Variants in MACROD2 observed in about 807,000 individuals in gnomAD.
The protein encoded by MACROD2 is mono-ADP ribosylhydrolase 2.
In MACROD2, 36 loss-of-function variants were observed where a neutral mutation model predicts 70.4. The ratio of observed to expected loss-of-function variants is 0.51; its 90% CI spans 0.39 to 0.68. MACROD2 has a LOEUF of 0.68. Among genes scored for constraint, MACROD2 ranks in the 30% least tolerant of loss-of-function variants. MACROD2 has a pLI of 0.00. For synonymous variants in MACROD2, 172 were observed against 178.8 expected (o/e 0.96, Z 0.30); for missense variants, 496 against 538.4 (o/e 0.92, Z 0.78).
intron 3 of MACROD2, among the ~76,000 whole-genome samples, chr20:14,188,665 C>T (rs1157728490): frequency 6.6e-6 from 1 of 152,034 alleles, no homozygotes; most frequent in Non-Finnish European, 1.5e-5. Context: ...CATTAAGATA[C>T]CGCTGCAAGA....
chr20:15,585,133 G>T (rs981700962), intron 8 of MACROD2, among the ~76,000 whole-genome samples: 1 of 151,956 alleles, frequency 6.6e-6, no homozygotes, highest in African/African-American at 2.4e-5. Context: ...TGATCTCTCC[G>T]TGTGCTCCAT....
At chr20:15,875,682 G>A (rs2064658206) in intron 9 of MACROD2, among the ~76,000 whole-genome samples, 1 of 151,924 alleles carries the variant, frequency 6.6e-6, no homozygotes, top group Non-Finnish European at 1.5e-5. Context: ...TGCAGTGAGT[G>A]TAGCAAATGC....
intron 8 of MACROD2, among the ~76,000 whole-genome samples, chr20:15,721,804 A>T (rs2050790993): frequency 6.6e-6 from 1 of 152,206 alleles, no homozygotes; most frequent in Admixed American, 6.5e-5. Flanking sequence ...AATAATTATC[A>T]AATAAATATT....
chr20:15,441,479 A>T (rs6110606), intron 7 of MACROD2, among the ~76,000 whole-genome samples: 1 of 151,932 alleles, frequency 6.6e-6, no homozygotes, highest in Non-Finnish European at 1.5e-5. Context: ...GTGAGAAACC[A>T]GTGTCAGTCT....
At chr20:15,109,779 C>G (rs1449010359) in intron 5 of MACROD2, among the ~76,000 whole-genome samples, 1 of 152,108 alleles carries the variant, frequency 6.6e-6, no homozygotes, top group East Asian at 1.9e-4. Context: ...GGGGAAAAAT[C>G]GGCATACTCA....
intron 5 of MACROD2, among the ~76,000 whole-genome samples, chr20:14,936,941 G>T (rs1327908864): frequency 6.6e-6 from 1 of 152,156 alleles, no homozygotes; most frequent in Non-Finnish European, 1.5e-5. Context: ...TAAGTTAGGA[G>T]CAGGAGAAAA....
chr20:14,689,984 T>C (rs2071043922), intron 5 of MACROD2, among the ~76,000 whole-genome samples: 1 of 150,892 alleles, frequency 6.6e-6, no homozygotes, highest in African/African-American at 2.4e-5. Context: ...TCAGTGTCAA[T>C]TATCCATTGT....
chr20:15,596,044 A>G (rs2048742440), intron 8 of MACROD2, among the ~76,000 whole-genome samples: 1 of 152,254 alleles, frequency 6.6e-6, no homozygotes, highest in Non-Finnish European at 1.5e-5. Flanking sequence ...AGTGAAACTC[A>G]GATGTCATAC....
chr20:15,339,847 A>C (rs1256597834), intron 6 of MACROD2, among the ~76,000 whole-genome samples: 1 of 151,668 alleles, frequency 6.6e-6, no homozygotes, highest in Non-Finnish European at 1.5e-5. Flanking sequence ...TTATGATTCA[A>C]AACCAAAAAA....
intron 2 of MACROD2, among the ~76,000 whole-genome samples, chr20:14,017,005 TTTTC>T (rs1296782682): frequency 1.3e-5 from 2 of 152,150 alleles, no homozygotes; most frequent in African/African-American, 4.8e-5. Flanking sequence ...CTTACTTATG[TTTTC>T]TTTAACTTCT....
chr20:15,520,741 A>G (rs2047641815), intron 8 of MACROD2, among the ~76,000 whole-genome samples: 1 of 151,928 alleles, frequency 6.6e-6, no homozygotes, highest in Non-Finnish European at 1.5e-5. Flanking sequence ...TACTGAAGAG[A>G]CTACACACAT....
chr20:15,935,954 A>G (rs1568652649), intron 11 of MACROD2, among the ~76,000 whole-genome samples: 3 of 152,166 alleles, frequency 2.0e-5, no homozygotes. Context: ...TGAGATCTAA[A>G]TGATGAGATA....
chr20:15,526,915 A>G (rs55684668), intron 8 of MACROD2, among the ~76,000 whole-genome samples: 6,282 of 152,278 alleles, frequency 0.041, 158 homozygotes, highest in South Asian at 0.13. Context: ...CCTAGGCACA[A>G]TTCATTTATG....
chr20:14,435,667 T>G (rs1250604649), intron 3 of MACROD2, among the ~76,000 whole-genome samples: 4 of 152,138 alleles, frequency 2.6e-5, no homozygotes, highest in Non-Finnish European at 5.9e-5. Context: ...ATTATTCTTA[T>G]ATTACTTAAA....
intron 8 of MACROD2, among the ~76,000 whole-genome samples, chr20:15,780,784 T>C (rs549366452): frequency 6.6e-6 from 1 of 152,090 alleles, no homozygotes; most frequent in South Asian, 2.1e-4. Flanking sequence ...TCAAGATGCA[T>C]TTTTGAGGGA....
At chr20:16,021,328 T>C (rs1392849545) in intron 15 of MACROD2, among the ~76,000 whole-genome samples, 1 of 152,182 alleles carries the variant, frequency 6.6e-6, no homozygotes, top group Non-Finnish European at 1.5e-5. Context: ...TAACTGATTT[T>C]TGTGTTGGAT....
intron 15 of MACROD2, among the ~76,000 whole-genome samples, chr20:16,023,494 A>G (rs1001227110): frequency 6.7e-6 from 1 of 149,054 alleles, no homozygotes; most frequent in Non-Finnish European, 1.5e-5. Context: ...AAAAAAAAAA[A>G]GAGATGGTGC....
chr20:15,463,090 G>A (rs2046840109), intron 7 of MACROD2, among the ~76,000 whole-genome samples: 1 of 152,194 alleles, frequency 6.6e-6, no homozygotes, highest in Non-Finnish European at 1.5e-5. Flanking sequence ...CATACACATA[G>A]GAATTCTCAA....
At chr20:14,220,543 C>T (rs1399870373) in intron 3 of MACROD2, among the ~76,000 whole-genome samples, 2 of 152,170 alleles carry the variant, frequency 1.3e-5, no homozygotes, top group Non-Finnish European at 2.9e-5. Flanking sequence ...CAGTTCTGGC[C>T]AGGAGGCTTC....
Sources: gnomAD v4.1 joint callset for allele counts (sites outside exome capture counted in the v4.1 genomes callset) on GRCh38, gnomAD v4.1.1 for gene constraint, MANE v1.5 for transcripts, NCBI Gene and HGNC (gene_info 2026-07-23, HGNC 2026-07-21) for gene names.